TPTE2: variants seen among roughly 807,000 people sequenced by gnomAD.
TPTE2 encodes phosphatidylinositol 3,4,5-trisphosphate 3-phosphatase TPTE2.
Under a neutral mutation model 78.6 loss-of-function variants are expected in TPTE2, and 53 were observed. The ratio of observed to expected loss-of-function variants is 0.67; its 90% CI spans 0.54 to 0.85. TPTE2 has a LOEUF of 0.85. TPTE2 is among the 40% of genes least tolerant of loss of function. The pLI, the probability that TPTE2 is intolerant of heterozygous loss-of-function variation, is 0.00. For synonymous variants in TPTE2, 175 were observed against 206.2 expected, an observed-to-expected ratio of 0.85 and a Z score of 1.30; for missense variants, 461 against 623.0, an observed-to-expected ratio of 0.74 and a Z score of 2.77.
chr13:19,540,113 C>T (rs557482817), upstream of TPTE2, among the ~76,000 whole-genome samples: 58 of 152,184 alleles, frequency 3.8e-4, no homozygotes, highest in African/African-American at 1.3e-3. Context: ...CATTGCACTA[C>T]AGCCTGAGCA....
chr13:19,493,547 G>A (rs368634168), intron 1 of TPTE2, 46 bp from the exon 5 acceptor site: 149 of 1,589,124 alleles, frequency 9.4e-5, no homozygotes, highest in Non-Finnish European at 1.3e-4. Context: ...ACATAATTCT[G>A]AATTTATATT....
At chr13:19,537,142 A>G (rs1871259042), upstream of TPTE2, among the ~76,000 whole-genome samples, 1 of 151,394 alleles carries the variant, frequency 6.6e-6, no homozygotes, top group Admixed American at 6.6e-5. Flanking sequence ...ATTATTTTAT[A>G]TCTTTATTAG....
At chr13:19,457,919 C>T (rs1234892576) in intron 10 of TPTE2, among the ~76,000 whole-genome samples, 1 of 152,148 alleles carries the variant, frequency 6.6e-6, no homozygotes, top group East Asian at 1.9e-4. Flanking sequence ...ACATTGCTAC[C>T]TTATCTTCAA....
At chr13:19,496,688 C>G (rs1378055204) in intron 1 of TPTE2, among the ~76,000 whole-genome samples, 1 of 152,210 alleles carries the variant, frequency 6.6e-6, no homozygotes, top group Non-Finnish European at 1.5e-5. Context: ...CAGCTGCTAT[C>G]TCCTCCATAT....
chr13:19,544,934 TCACACACACACACACACACA>T, the TPTE2 span, among the ~76,000 whole-genome samples: 48 of 142,420 alleles, frequency 3.4e-4, no homozygotes, highest in East Asian at 6.4e-4. Flanking sequence ...ACGTGCACAC[TCACACACACACACACACACA>T]CACACACACA....
intron 1 of TPTE2, among the ~76,000 whole-genome samples, chr13:19,530,517 C>T (rs541193661): frequency 3.9e-5 from 6 of 152,254 alleles, no homozygotes; most frequent in African/African-American, 1.4e-4. Context: ...GTTGAAGTAT[C>T]TTTATTATAT....
chr13:19,436,262 G>A (rs779171078), exon 15 of TPTE2: 1 of 1,613,348 alleles, frequency 6.2e-7, no homozygotes, highest in East Asian at 2.2e-5. Flanking sequence ...ATTTATTGCT[G>A]TGGGTTTTAT....
intron 1 of TPTE2, among the ~76,000 whole-genome samples, chr13:19,523,885 A>C (rs1870337420): frequency 6.6e-6 from 1 of 152,220 alleles, no homozygotes; most frequent in South Asian, 2.1e-4. Context: ...GTCAACATAG[A>C]AGCCAGAGAT....
chr13:19,501,874 G>C (rs999460636), intron 1 of TPTE2, among the ~76,000 whole-genome samples: 279 of 151,134 alleles, frequency 1.8e-3, no homozygotes, highest in African/African-American at 6.4e-3. Context: ...TACAAAATGG[G>C]AGAAAATTTT....
chr13:19,491,751 G>A (rs994291858), intron 3 of TPTE2, among the ~76,000 whole-genome samples: 3 of 152,040 alleles, frequency 2.0e-5, no homozygotes, highest in Admixed American at 2.0e-4. Flanking sequence ...CTTGAACCCG[G>A]GAGATGGAGG....
chr13:19,510,724 A>T (rs1869378800), intron 1 of TPTE2, among the ~76,000 whole-genome samples: 1 of 152,234 alleles, frequency 6.6e-6, no homozygotes, highest in African/African-American at 2.4e-5. Flanking sequence ...AAATTTGATG[A>T]ACTTATTCTA....
Position 19,435,627 on chromosome 13 carries a change from G to A in TPTE2, c.1116+599C>T, listed in dbSNP as rs9513083. ...GAGTAACAGTGTATATTTCATATAG[G>A]TGTTATGGGTATTAAATGAGATATG... On this transcript the variant is annotated intron_variant, in intron 15 of 19. Transcript: ENST00000400230. Among the ~76,000 whole-genome samples the A allele has an allele frequency of 1.6e-3, 243 of 152,120 alleles. 1 individual carries two copies. Among genetic ancestry groups the A allele is most frequent in the Non-Finnish European group, 3.1e-3 (208 of 68,018 alleles).
Position 19,527,998 on chromosome 13 carries a change from A to G in TPTE2, c.-44+8598T>C, listed in dbSNP as rs146964259. Among the ~76,000 whole-genome samples, 722 of 152,270 alleles carry G rather than the reference A, an allele frequency of 4.7e-3. 4 individuals are homozygous for G. The highest frequency in any genetic ancestry group is 0.015 in the African/African-American group (627 of 41,546). On this transcript the variant is annotated intron_variant, in intron 1 of 17. Transcript: ENST00000390680. The stretch of plus-strand genomic sequence containing the variant: ...CAAGGCACTGGGGTTTCAGGACTGG[A>G]TAAGACTGTTCTAAGGCCACAGTGT...
intron 13 of TPTE2, among the ~76,000 whole-genome samples, chr13:19,443,059 A>T (rs1225114233): frequency 6.6e-6 from 1 of 152,078 alleles, no homozygotes; most frequent in Non-Finnish European, 1.5e-5. Context: ...AGATTTGAAA[A>T]AACTATGAGA....
intron 10 of TPTE2, among the ~76,000 whole-genome samples, chr13:19,462,460 T>A (rs1415492085): frequency 6.6e-6 from 1 of 152,086 alleles, no homozygotes; most frequent in African/African-American, 2.4e-5. Context: ...AAGTTTCCAC[T>A]GGGAAATCCA....
At chr13:19,509,365 A>G (rs1776316713) in intron 1 of TPTE2, among the ~76,000 whole-genome samples, 1 of 152,180 alleles carries the variant, frequency 6.6e-6, no homozygotes, top group South Asian at 2.1e-4. Flanking sequence ...AGATTACTAC[A>G]ATAGACCTGT....
intron 1 of TPTE2, among the ~76,000 whole-genome samples, chr13:19,511,184 C>T (rs17090573): frequency 0.025 from 3,768 of 152,208 alleles, 178 homozygotes; most frequent in African/African-American, 0.086. Context: ...GCAGTCTTTG[C>T]GAAGGCAAAT....
chr13:19,556,516 T>C, the TPTE2 span, among the ~76,000 whole-genome samples: 1 of 152,068 alleles, frequency 6.6e-6, no homozygotes, highest in African/African-American at 2.4e-5. Context: ...AACTTATCTA[T>C]TATGTACAAC....
At chr13:19,497,740 C>T (rs988503514) in intron 1 of TPTE2, among the ~76,000 whole-genome samples, 21 of 151,624 alleles carry the variant, frequency 1.4e-4, no homozygotes, top group South Asian at 6.3e-4. Context: ...GAAAGCAGAG[C>T]GCCTCTCCTC....
Sources: gnomAD v4.1 joint callset for allele counts (sites outside exome capture counted in the v4.1 genomes callset) on GRCh38, gnomAD v4.1.1 for gene constraint, MANE v1.5 for transcripts, NCBI Gene and HGNC (gene_info 2026-07-23, HGNC 2026-07-21) for gene names.